The following GABRG3 variants were observed in gnomAD, a reference collection of about 807,000 sequenced individuals.
GABRG3 encodes the protein gamma-aminobutyric acid type A receptor subunit gamma3, also known as gamma-aminobutyric acid receptor subunit gamma-3.
In GABRG3, 25 loss-of-function variants were observed where a neutral mutation model predicts 48.8. The observed-to-expected ratio is 0.51, with a 90% CI of 0.37 to 0.72. The LOEUF (loss-of-function observed/expected upper bound fraction) is 0.72, where lower values mean the gene tolerates loss of function less well. Ranked by LOEUF, GABRG3 falls within the 30% of genes least tolerant of loss-of-function variation. GABRG3 has a pLI of 0.00. For synonymous variants in GABRG3, 227 were observed against 217.6 expected, an observed-to-expected ratio of 1.04 and a Z score of -0.38; for missense variants, 394 against 577.9, an observed-to-expected ratio of 0.68 and a Z score of 3.26.
intron 3 of GABRG3, among the ~76,000 whole-genome samples, chr15:27,182,825 T>A (rs1271349859): frequency 6.6e-6 from 1 of 152,180 alleles, no homozygotes; most frequent in African/African-American, 2.4e-5. Flanking sequence ...ATGAACAGGA[T>A]GTCCATTTGG....
chr15:27,532,302 G>A (rs535263973), intron 9 of GABRG3, among the ~76,000 whole-genome samples: 7 of 151,904 alleles, frequency 4.6e-5, no homozygotes, highest in African/African-American at 1.7e-4. Context: ...AAAGACCAGG[G>A]GTCTCCTCTC....
intron 3 of GABRG3, chr15:27,161,206 A>G (rs1191490907): frequency 6.6e-6 from 1 of 152,200 alleles, no homozygotes; most frequent in Non-Finnish European, 1.5e-5. Context: ...AAAACCTATG[A>G]TGGTCTGAGA....
At chr15:27,233,767 T>A (rs1314027053) in intron 3 of GABRG3, among the ~76,000 whole-genome samples, 1 of 152,216 alleles carries the variant, frequency 6.6e-6, no homozygotes, top group Non-Finnish European at 1.5e-5. Context: ...CAGACGCCTG[T>A]ACAAACTACC....
At chr15:27,078,264 T>TGTCA (rs1165965003) in intron 3 of GABRG3, among the ~76,000 whole-genome samples, 3 of 152,256 alleles carry the variant, frequency 2.0e-5, no homozygotes, top group East Asian at 1.9e-4. Context: ...TAAATGACAC[T>TGTCA]GTCAGTCAGT....
intron 5 of GABRG3, among the ~76,000 whole-genome samples, chr15:27,409,187 C>G (rs774788541): frequency 7.2e-5 from 11 of 152,034 alleles, no homozygotes; most frequent in Non-Finnish European, 1.3e-4. Flanking sequence ...ATTGTCTAGA[C>G]TGCTGTCTGA....
At position 27,346,938 on chromosome 15, in the gene GABRG3, T is replaced by C. The variant is rs189249174; in HGVS notation, c.574+18050T>C. 1.1e-4 allele frequency among the ~76,000 whole-genome samples: 17 copies of C among 152,360 alleles called. No homozygotes were observed. In the East Asian group the frequency reaches 2.9e-3, roughly 26 times the overall value. Reference sequence around the variant, plus strand: ...ACTGTGGCATATAGGAATGTGGCTCTAATGATTGCTGTGTCTCTTTACATT... The same window carrying C: ...ACTGTGGCATATAGGAATGTGGCTCCAATGATTGCTGTGTCTCTTTACATT... On this transcript the variant is annotated intron_variant, in intron 5 of 9. Coordinates refer to ENST00000615808, the MANE Select transcript of GABRG3 (RefSeq NM_033223.5).
chr15:27,529,964 C>T (rs980847523), intron 9 of GABRG3, among the ~76,000 whole-genome samples: 8 of 149,916 alleles, frequency 5.3e-5, no homozygotes, highest in African/African-American at 2.0e-4. Context: ...AATTCACAGA[C>T]AGAAAGGGTG....
chr15:27,355,278 A>G (rs1566802895), intron 5 of GABRG3, among the ~76,000 whole-genome samples: 1 of 152,256 alleles, frequency 6.6e-6, no homozygotes, highest in African/African-American at 2.4e-5. Flanking sequence ...GTGCAACTCA[A>G]CAATAAAAAC....
chr15:27,298,105 G>C (rs931951306), intron 3 of GABRG3, among the ~76,000 whole-genome samples: 1 of 152,202 alleles, frequency 6.6e-6, no homozygotes, highest in East Asian at 1.9e-4. Context: ...AATGGTAGAT[G>C]TATATTGAAC....
At chr15:27,313,354 A>G (rs1893095949) in intron 3 of GABRG3, among the ~76,000 whole-genome samples, 1 of 139,944 alleles carries the variant, frequency 7.1e-6, no homozygotes, top group Non-Finnish European at 1.5e-5. Context: ...ACATTGATGG[A>G]ACTGAAGGAA....
At chr15:27,308,311 T>TACGTTTATATATAAACATC (rs371774591) in intron 3 of GABRG3, among the ~76,000 whole-genome samples, 1 of 129,818 alleles carries the variant, frequency 7.7e-6, no homozygotes, top group Non-Finnish European at 1.6e-5. Context: ...CATATAAACA[T>TACGTTTATATATAAACATC]ATATAAACAT....
intron 5 of GABRG3, among the ~76,000 whole-genome samples, chr15:27,385,594 GA>G (rs1329287332): frequency 6.6e-6 from 1 of 151,876 alleles, no homozygotes; most frequent in Non-Finnish European, 1.5e-5. Flanking sequence ...TTTGAGAGTG[GA>G]TCATCTTTAC....
intron 3 of GABRG3, among the ~76,000 whole-genome samples, chr15:27,209,494 G>C (rs113260228): frequency 6.6e-6 from 1 of 151,924 alleles, no homozygotes; most frequent in East Asian, 1.9e-4. Context: ...TTTGGTCTAC[G>C]CAAGCAATGT....
intron 3 of GABRG3, among the ~76,000 whole-genome samples, chr15:27,105,537 T>A (rs1159236294): frequency 6.6e-6 from 1 of 152,136 alleles, no homozygotes; most frequent in Non-Finnish European, 1.5e-5. Flanking sequence ...TTAAGATAAT[T>A]GAAATCATAA....
chr15:27,244,549 A>G (rs1288112271), intron 3 of GABRG3, among the ~76,000 whole-genome samples: 1 of 152,240 alleles, frequency 6.6e-6, no homozygotes, highest in Non-Finnish European at 1.5e-5. Flanking sequence ...CTTGCTGCAC[A>G]TGTGTATTGA....
chr15:27,063,305 T>C (rs2140725412), intron 3 of GABRG3, among the ~76,000 whole-genome samples: 1 of 152,352 alleles, frequency 6.6e-6, no homozygotes, highest in Non-Finnish European at 1.5e-5. Flanking sequence ...TTGGCAAACC[T>C]TGTGGAGTGC....
chr15:27,137,795 G>A (rs1898035914), intron 3 of GABRG3, among the ~76,000 whole-genome samples: 1 of 152,120 alleles, frequency 6.6e-6, no homozygotes, highest in African/African-American at 2.4e-5. Context: ...AAATGCTCAG[G>A]TGACTTCTTG....
intron 3 of GABRG3, among the ~76,000 whole-genome samples, chr15:27,162,730 A>T (rs1372132986): frequency 1.3e-5 from 2 of 152,092 alleles, no homozygotes; most frequent in Admixed American, 1.3e-4. Context: ...ATGCCCCTAG[A>T]TATAGCTGAT....
intron 6 of GABRG3, among the ~76,000 whole-genome samples, chr15:27,516,086 T>C (rs888957159): frequency 6.6e-6 from 1 of 151,114 alleles, no homozygotes; most frequent in Non-Finnish European, 1.5e-5. Flanking sequence ...CAAGATGTTA[T>C]CTAGCAGCCG....
Sources: allele counts gnomAD v4.1 joint callset (sites outside exome capture counted in the v4.1 genomes callset), GRCh38; gene constraint gnomAD v4.1.1; transcripts MANE v1.5; gene names NCBI Gene and HGNC (gene_info 2026-07-23, HGNC 2026-07-21).